The following ZMYND8 variants were observed in gnomAD, a reference collection of about 807,000 sequenced individuals.
ZMYND8 encodes the protein zinc finger MYND-type containing 8.
A neutral mutation model predicts 140.8 loss-of-function variants in ZMYND8; 37 were observed. That is an observed-to-expected ratio of 0.26 (90% CI 0.20 to 0.35). The LOEUF is 0.35. Among genes scored for constraint, ZMYND8 ranks in the 10% least tolerant of loss-of-function variants. The pLI is 1.00. For missense variants in ZMYND8, 1,068 were observed against 1,570.0 expected (o/e 0.68, Z 5.40); for synonymous variants, 592 against 597.1 (o/e 0.99, Z 0.12).
At chr20:47,343,511 G>T (rs2082079237) in intron 2 of ZMYND8, among the ~76,000 whole-genome samples, 2 of 152,066 alleles carry the variant, frequency 1.3e-5, no homozygotes, top group African/African-American at 4.8e-5. Context: ...CCATACAGAA[G>T]AATTCTAAAT....
chr20:47,310,134 G>A lies in ZMYND8; in HGVS notation c.156C>T (p.His52=), dbSNP rs765540815. The change falls in exon 3 of 23, where the codon CAC becomes CAT. Residue 52 remains histidine (H), a synonymous_variant. Transcript: ENST00000471951. The part of the protein sequence containing the change: ...FPSPPHSSNG[H]SPQDTSTSPI... ...GGCTTGTTGATGTGTCCTGCGGCGA[G>A]TGGCCATTGGAAGAATGTGGAGGGC... The A allele has an allele frequency of 1.9e-6, 3 of 1,613,870 alleles. No individual in the cohort carries two copies. Among genetic ancestry groups the A allele is most frequent in the Non-Finnish European group, 2.5e-6 (3 of 1,180,004 alleles).
chr20:47,290,353 T>C, intron 6 of ZMYND8, 79 bp from the exon 7 acceptor site: 1 of 1,315,692 alleles, frequency 7.6e-7, no homozygotes, highest in Non-Finnish European at 1.1e-6. Context: ...CCCCACATAA[T>C]TTTTGTAGCA....
rs1375401123 is a variant in ZMYND8 at position 47,210,866 on chromosome 20, G to C, written c.3600C>G (p.Ser1200Arg). ...YHSRSNKSSW[S>R]SSDEKRGSTR... ...TCGATCCCCTCTTCTCATCACTGCT[G>C]CTCCAACTGGATTTATTACTCCGGG... The change falls in exon 23 of 23, where the codon AGC becomes AGG. Residue 1200 changes from serine to arginine, a missense_variant. Transcript: ENST00000471951. The C allele has an allele frequency of 6.2e-7, 1 of 1,613,916 alleles. No individual in the cohort carries two copies. The highest frequency in any genetic ancestry group is 1.3e-5 in the African/African-American group (1 of 74,864).
chr20:47,238,723 G>A (rs753365156), intron 15 of ZMYND8, 35 bp downstream of exon 15: 11 of 1,583,510 alleles, frequency 6.9e-6, no homozygotes, highest in South Asian at 4.5e-5. Flanking sequence ...AAATGGGAGC[G>A]GGCGCCACGG....
intron 3 of ZMYND8, among the ~76,000 whole-genome samples, chr20:47,305,183 G>A (rs2078381776): frequency 1.3e-5 from 2 of 151,938 alleles, no homozygotes; most frequent in South Asian, 2.1e-4. Context: ...GGTCAAGGCT[G>A]TAGTAAGCCA....
At chr20:47,261,291 C>A (rs775812492) in intron 12 of ZMYND8, among the ~76,000 whole-genome samples, 6 of 152,016 alleles carry the variant, frequency 3.9e-5, no homozygotes, top group Non-Finnish European at 8.8e-5. Context: ...AATCTCAGCA[C>A]TTTGGGAGGC....
rs935529290 is a variant in ZMYND8 at position 47,230,394 on chromosome 20, G to C, written c.2857-588C>G. Among the ~76,000 whole-genome samples the C allele has an allele frequency of 1.3e-4, 20 of 151,796 alleles. 1 individual carries two copies. The highest frequency in any genetic ancestry group is 1.3e-3 in the Admixed American group (20 of 15,238). ...GCTACCTCCGCCTCCAGGTTCAGGC[G>C]ATTCTCCTGCCTCAGCCTCCCAAGT... On this transcript the variant is annotated intron_variant, in intron 16 of 22. Transcript: ENST00000471951.
chr20:47,350,078 G>A, intron 1 of ZMYND8: 25 of 1,362,640 alleles, frequency 1.8e-5, no homozygotes, highest in Non-Finnish European at 2.4e-5. Flanking sequence ...AAGAGAGAGG[G>A]AAAAAAAAGT....
intron 3 of ZMYND8, among the ~76,000 whole-genome samples, chr20:47,304,909 GAACT>G (rs1252334299): frequency 6.6e-6 from 1 of 152,084 alleles, no homozygotes; most frequent in East Asian, 1.9e-4. Flanking sequence ...GCACTCCCCT[GAACT>G]ATCTCAACTG....
intron 15 of ZMYND8, among the ~76,000 whole-genome samples, chr20:47,236,834 C>T (rs554365920): frequency 2.0e-5 from 3 of 152,148 alleles, no homozygotes; most frequent in African/African-American, 4.8e-5. Flanking sequence ...CCAGCCAACA[C>T]CTGAAGACAG....
chr20:47,346,763 T>C (rs1483020252), intron 2 of ZMYND8, among the ~76,000 whole-genome samples: 1 of 152,130 alleles, frequency 6.6e-6, no homozygotes, highest in East Asian at 1.9e-4. Flanking sequence ...CGTGCCACCA[T>C]GCCCGACTAA....
intron 11 of ZMYND8, among the ~76,000 whole-genome samples, chr20:47,276,101 TAAC>T (rs2076240743): frequency 6.6e-6 from 1 of 152,218 alleles, no homozygotes; most frequent in Non-Finnish European, 1.5e-5. Context: ...CTTCTAGGTA[TAAC>T]CTCCAGGTGG....
At chr20:47,305,093 A>G (rs2078372819) in intron 3 of ZMYND8, among the ~76,000 whole-genome samples, 1 of 151,758 alleles carries the variant, frequency 6.6e-6, no homozygotes, top group South Asian at 2.1e-4. Context: ...AAAAAAAAAA[A>G]ATTAGCCAGG....
chr20:47,287,964 A>C (rs1168864591), intron 7 of ZMYND8, among the ~76,000 whole-genome samples: 1 of 152,208 alleles, frequency 6.6e-6, no homozygotes, highest in Non-Finnish European at 1.5e-5. Flanking sequence ...TTCAGGAGTC[A>C]CCACTTACAT....
chr20:47,351,814 G>A (rs934770899), intron 1 of ZMYND8: 1 of 985,446 alleles, frequency 1.0e-6, no homozygotes, highest in Non-Finnish European at 1.2e-6. Flanking sequence ...AATGGTAGCA[G>A]TTTGTTCAAT....
At chr20:47,355,371 C>T (rs899319432) in intron 1 of ZMYND8, 3 of 890,222 alleles carry the variant, frequency 3.4e-6, no homozygotes, top group Admixed American at 6.2e-5. Flanking sequence ...GTAGCCAAGA[C>T]CCACTATTAC....
chr20:47,236,425 C>T lies in ZMYND8; in HGVS notation c.2757G>A (p.Ser919=), dbSNP rs770735208. ...AGGACACAAGGGTGCTCATGGACCC[C>T]GAGCTGGTGACCAGGGGCGATGACT... ...STQSSPLVTS[S]GSMSTLVSSV... Residue 919 remains serine, a synonymous_variant, in exon 16 of 23, where the codon TCG becomes TCA. Transcript: ENST00000471951. 1.7e-5 allele frequency: 28 copies of T among 1,613,968 alleles called. No individual in the cohort carries two copies. Among genetic ancestry groups the T allele is most frequent in the East Asian group, 4.5e-5 (2 of 44,890 alleles).
chr20:47,310,270 G>T, intron 2 of ZMYND8, 66 bp from the exon 3 acceptor site: 2 of 1,526,806 alleles, frequency 1.3e-6, no homozygotes, highest in South Asian at 2.7e-5. Flanking sequence ...CAGGGAGGAG[G>T]TGTGGAGGAA....
intron 3 of ZMYND8, among the ~76,000 whole-genome samples, chr20:47,300,875 CAACT>C (rs1443676651): frequency 1.4e-5 from 2 of 146,724 alleles, no homozygotes; most frequent in African/African-American, 2.6e-5. Flanking sequence ...CCACCATGCA[CAACT>C]AATTTTGTGT....
Sources: gnomAD v4.1 joint callset for allele counts (sites outside exome capture counted in the v4.1 genomes callset) on GRCh38, gnomAD v4.1.1 for gene constraint, MANE v1.5 for transcripts, NCBI Gene and HGNC (gene_info 2026-07-23, HGNC 2026-07-21) for gene names.